The following TRPV2 variants were observed in gnomAD, a reference collection of about 807,000 sequenced individuals.
The protein encoded by TRPV2 is transient receptor potential cation channel subfamily V member 2, also known as OTRPC2.
In TRPV2, 58 loss-of-function variants were observed where a neutral mutation model predicts 91.0. That is an observed-to-expected ratio of 0.64 (90% CI 0.52 to 0.79). The LOEUF (loss-of-function observed/expected upper bound fraction) is 0.79. Ranked by LOEUF, TRPV2 falls within the 30% of genes least tolerant of loss-of-function variation. The pLI, the probability that TRPV2 is intolerant of heterozygous loss-of-function variation, is 0.00. For synonymous variants in TRPV2, 417 were observed against 414.8 expected (o/e 1.01, Z -0.06); for missense variants, 807 against 969.6 (o/e 0.83, Z 2.23).
chr17:16,423,515 G>T lies in TRPV2; in HGVS notation c.672G>T (p.Val224=). The change falls in exon 5 of 15, where the codon GTG becomes GTT. Residue 224 remains valine, a synonymous_variant. Coordinates refer to ENST00000338560, the MANE Select transcript of TRPV2 (RefSeq NM_016113.5). ...CCGCTTGCACCAAGCAGTGGGATGT[G>T]GTAAGCTACCTCCTGGAGAACCCAC... The part of the protein sequence containing the change: ...SLAACTKQWD[V]VSYLLENPHQ... 6.2e-7 allele frequency: 1 copy of T among 1,613,922 alleles called. No individual in the cohort carries two copies. The highest frequency in any genetic ancestry group is 8.5e-7 in the Non-Finnish European group (1 of 1,179,914).
chr17:16,434,643 C>G (rs2093427823), intron 13 of TRPV2: 1 of 469,782 alleles, frequency 2.1e-6, no homozygotes, highest in African/African-American at 2.1e-5. Context: ...TCTGGGCAAC[C>G]CAGGCTGCTG....
chr17:16,433,426 T>C, intron 12 of TRPV2, 148 bp from the exon 13 acceptor site: 1 of 1,180,960 alleles, frequency 8.5e-7, no homozygotes, highest in Non-Finnish European at 1.2e-6. Flanking sequence ...AACCGGATGT[T>C]GGAGCCAGAT....
At position 16,428,374 on chromosome 17, in the gene TRPV2, T is replaced by G. The variant is rs780107814; in HGVS notation, c.1408T>G (p.Phe470Val). The change falls in exon 9 of 15, where the codon TTT becomes GTT. Residue 470 changes from phenylalanine (F) to valine (V), a missense_variant. Physicochemically the swap from Phe to Val is conservative, Grantham distance 50. Coordinates refer to ENST00000338560, the MANE Select transcript of TRPV2 (RefSeq NM_016113.5). ...CTGGATCTCGTTCATAGACAGCTAC[T>G]TTGAAATCCTCTTGTACGTGGGTTC... ...FIWISFIDSY[F>V]EILFLFQALL... 1.9e-6 allele frequency: 3 copies of G among 1,614,102 alleles called. No individual in the cohort carries two copies. The South Asian group carries it at 3.3e-5, about 18-fold the overall frequency.
intron 12 of TRPV2, 41 bp downstream of exon 12, chr17:16,432,341 C>T (rs1221243055): frequency 1.9e-6 from 3 of 1,555,410 alleles, no homozygotes; most frequent in African/African-American, 1.3e-5. Context: ...CCACCCCACA[C>T]TCAGGCGGTG....
intron 14 of TRPV2, 147 bp from the exon 15 acceptor site, chr17:16,436,642 C>G: frequency 1.5e-6 from 1 of 652,400 alleles, no homozygotes. Context: ...GTGAGGGAAG[C>G]AGGGAGAAGG....
Position 16,435,220 on chromosome 17 carries a change from C to CAGCCT in TRPV2, c.2194+252_2194+256dup, listed in dbSNP as rs775932489. ...GAGGCTGTTAGCGCTTCCACCAGCC[C>CAGCCT]AGCCTCTGGCTGCCCTCTCTCTGAT... On this transcript the variant is annotated intron_variant, in intron 14 of 14. Transcript: ENST00000338560. The surrounding 1 kb of genome is among the most constrained non-coding windows in gnomAD (Gnocchi z 4.2). Among the ~76,000 whole-genome samples the CAGCCT allele has an allele frequency of 2.0e-5, 3 of 152,160 alleles. No homozygotes were observed. The highest frequency in any genetic ancestry group is 4.4e-5 in the Non-Finnish European group (3 of 68,014).
chr17:16,431,692 C>G lies in TRPV2; in HGVS notation c.1588-92C>G, dbSNP rs184370237. ...TATGTGTGCGTATGTGCAGTGTACA[C>G]GGGAACCATGCTGCTGTGGGTGAGG... On this transcript the variant is annotated intron_variant, in intron 10 of 14. Transcript: ENST00000338560. 2.5e-6 allele frequency: 3 copies of G among 1,182,280 alleles called. No individual in the cohort carries two copies. In the African/African-American group the frequency reaches 4.5e-5, roughly 18 times the overall value. The allele number at this position is 1,182,280 out of a possible 1,614,324, so 73.2% of individuals were successfully genotyped here. A position where few individuals can be genotyped will look rare whatever the true frequency, so the allele number is the denominator to read the frequency against.
chr17:16,432,207 C>A lies in TRPV2; in HGVS notation c.1896C>A (p.Leu632=), dbSNP rs553516711. 1.9e-6 allele frequency: 3 copies of A among 1,614,200 alleles called. No individual in the cohort carries two copies. The South Asian group carries it at 3.3e-5, about 18-fold the overall frequency. Residue 632 remains leucine (L), a synonymous_variant, in exon 12 of 15, where the codon CTC becomes CTA. Coordinates refer to ENST00000338560, the MANE Select transcript of TRPV2 (RefSeq NM_016113.5). ...TGCTGCTGCTGGCCTACGTGCTGCT[C>A]ACCTACATCCTGCTGCTCAACATGC... The part of the protein sequence containing the change: ...VLLLLLAYVL[L]TYILLLNMLI...
chr17:16,433,753 G>A lies in TRPV2; in HGVS notation c.2114+55G>A, dbSNP rs1234943550. ...GGCCTTGCTGTCCAGCAATCCCTGG[G>A]GCCCCCCTGCAGTGCAGGGCACAGC... On this transcript the variant is annotated intron_variant, in intron 13 of 14. Coordinates refer to ENST00000338560, the MANE Select transcript of TRPV2 (RefSeq NM_016113.5). 9 of 1,598,306 alleles carry A rather than the reference G, an allele frequency of 5.6e-6. No individual in the cohort carries two copies. The Admixed American group carries it at 1.5e-4, about 27-fold the overall frequency.
Position 16,419,934 on chromosome 17 carries a change from C to T in TRPV2, c.201-181C>T, listed in dbSNP as rs139172575. Among the ~76,000 whole-genome samples the T allele has an allele frequency of 4.1e-4, 62 of 152,340 alleles. 2 individuals are homozygous for T. Among genetic ancestry groups the T allele is most frequent in the African/African-American group, 1.3e-3 (53 of 41,586 alleles). ...CTGGACAGGCCCCTTTTCCTCCTCC[C>T]GGGGTCCCCTAGGATGGCTCTAGGA... On this transcript the variant is annotated intron_variant, in intron 2 of 14. Coordinates refer to ENST00000338560, the MANE Select transcript of TRPV2 (RefSeq NM_016113.5).
At chr17:16,419,235 C>A in intron 2 of TRPV2, 1 of 453,698 alleles carries the variant, frequency 2.2e-6, no homozygotes, top group South Asian at 1.6e-5. Context: ...AGTAACACAG[C>A]CCAGGAGGGA....
intron 5 of TRPV2, among the ~76,000 whole-genome samples, chr17:16,424,169 T>A (rs991044460): frequency 1.3e-5 from 2 of 151,284 alleles, no homozygotes; most frequent in Admixed American, 1.3e-4. Flanking sequence ...TTGTTTTTTT[T>A]TTTTTTGAGA....
At chr17:16,436,002 G>A (rs1162370850) in intron 14 of TRPV2, among the ~76,000 whole-genome samples, 1 of 152,064 alleles carries the variant, frequency 6.6e-6, no homozygotes, top group African/African-American at 2.4e-5. Context: ...TTCCCAACAG[G>A]AACAGCCTCG....
At position 16,420,208 on chromosome 17, in the gene TRPV2, G is replaced by A. The variant is rs1383905867; in HGVS notation, c.294G>A (p.Leu98=). ...ATCTGGCTGGACTTCCAGAGTACCT[G>A]AGCAAGACCAGCAAGTACCTCACCG... is the stretch of plus-strand genomic sequence containing the variant. ...PEDLAGLPEY[L]SKTSKYLTDS... The change falls in exon 3 of 15, where the codon CTG becomes CTA. Residue 98 remains leucine (L), a synonymous_variant. Transcript: ENST00000338560. 2 of 1,614,122 alleles carry A rather than the reference G, an allele frequency of 1.2e-6. No homozygotes were observed. Among genetic ancestry groups the A allele is most frequent in the Non-Finnish European group, 1.7e-6 (2 of 1,179,972 alleles).
intron 13 of TRPV2, among the ~76,000 whole-genome samples, chr17:16,434,434 C>T (rs1379790294): frequency 1.3e-5 from 2 of 149,128 alleles, no homozygotes; most frequent in Non-Finnish European, 3.0e-5. Flanking sequence ...CACCACTGCA[C>T]TCCAGCCTGG....
chr17:16,432,323 CCCCCA>C (rs762356922), intron 12 of TRPV2, 23 bp downstream of exon 12: 2 of 1,580,500 alleles, frequency 1.3e-6, no homozygotes, highest in Non-Finnish European at 1.7e-6. Flanking sequence ...AGGCTCCCTG[CCCCCA>C]CCCCACCCCA....
In TRPV2 at chr17:16,417,603, C is replaced by G; in HGVS notation, c.-66C>G. On this transcript the variant is annotated 5_prime_UTR_variant, in exon 2 of 15. Transcript: ENST00000338560. ...CACCGACGCGCAGCTGGGAGGAAGA[C>G]AGGACCCTTGACATCTCCATCTGCA... 1 of 1,558,174 alleles carries G rather than the reference C, an allele frequency of 6.4e-7. No individual in the cohort carries two copies. The highest frequency in any genetic ancestry group is 8.8e-7 in the Non-Finnish European group (1 of 1,133,388).
chr17:16,420,210 G>A lies in TRPV2; in HGVS notation c.296G>A (p.Ser99Asn), dbSNP rs1289099951. 2 of 1,614,000 alleles carry A rather than the reference G, an allele frequency of 1.2e-6. No individual in the cohort carries two copies. Among genetic ancestry groups the A allele is most frequent in the African/African-American group, 2.7e-5 (2 of 74,946 alleles). Residue 99 changes from serine to asparagine, a missense_variant, in exon 3 of 15, where the codon AGC becomes AAC. Transcript: ENST00000338560. ...CTGGCTGGACTTCCAGAGTACCTGA[G>A]CAAGACCAGCAAGTACCTCACCGAC... ...EDLAGLPEYL[S>N]KTSKYLTDSE... is the part of the protein sequence containing the mutation.
chr17:16,423,445 C>G (rs952625014), intron 4 of TRPV2, 24 bp from the exon 5 acceptor site: 2 of 1,573,308 alleles, frequency 1.3e-6, no homozygotes, highest in African/African-American at 1.3e-5. Context: ...GGCCTGGGGC[C>G]CAAGCTGCTC....
Sources: allele counts gnomAD v4.1 joint callset (sites outside exome capture counted in the v4.1 genomes callset), GRCh38; gene constraint gnomAD v4.1.1; non-coding constraint Gnocchi (gnomAD v3.1); transcripts MANE v1.5; gene names NCBI Gene and HGNC (gene_info 2026-07-23, HGNC 2026-07-21).